Variants in SEC16B observed in about 807,000 individuals in gnomAD.
SEC16B encodes the protein SEC16 homolog B, endoplasmic reticulum export factor, also known as protein transport protein Sec16B.
In SEC16B, 115 loss-of-function variants were observed where a neutral mutation model predicts 141.8. That is an observed-to-expected ratio of 0.81 (90% CI 0.70 to 0.95). SEC16B has a LOEUF of 0.95. SEC16B is among the 40% of genes least tolerant of loss of function. The pLI, the probability that SEC16B is intolerant of heterozygous loss-of-function variation, is 0.00. For synonymous variants in SEC16B, 493 were observed against 492.5 expected (o/e 1.00, Z -0.01); for missense variants, 1,291 against 1,312.3 (o/e 0.98, Z 0.25).
At chr1:177,961,821 GGTGAAA>G in intron 5 of SEC16B, 87 bp from the exon 6 acceptor site, 1 of 1,191,562 alleles carries the variant, frequency 8.4e-7, no homozygotes, top group East Asian at 2.4e-5. Flanking sequence ...AAATACATAC[GGTGAAA>G]GTGGATGTGT....
intron 16 of SEC16B, among the ~76,000 whole-genome samples, chr1:177,941,408 A>G (rs1244754712): frequency 6.6e-6 from 1 of 152,220 alleles, no homozygotes; most frequent in Non-Finnish European, 1.5e-5. Context: ...ATTAATTGAA[A>G]CAACTATTTG....
chr1:177,966,359 A>G (rs1414734273), intron 2 of SEC16B, among the ~76,000 whole-genome samples: 1 of 152,286 alleles, frequency 6.6e-6, no homozygotes, highest in East Asian at 1.9e-4. Context: ...TGAGAAAACC[A>G]CTTCCTGAGA....
chr1:177,952,492 A>C (rs1227819178), intron 11 of SEC16B, among the ~76,000 whole-genome samples: 1 of 152,128 alleles, frequency 6.6e-6, no homozygotes, highest in African/African-American at 2.4e-5. Flanking sequence ...CACAAGCGCT[A>C]AATAGCCATT....
chr1:177,971,785 G>A (rs902553317), upstream of SEC16B, among the ~76,000 whole-genome samples: 1 of 152,188 alleles, frequency 6.6e-6, no homozygotes, highest in African/African-American at 2.4e-5. Context: ...TTACACTGGT[G>A]TGCTCTAGCT....
upstream of SEC16B, among the ~76,000 whole-genome samples, chr1:177,972,140 T>G (rs188290757): frequency 6.6e-6 from 1 of 152,312 alleles, no homozygotes; most frequent in Admixed American, 6.5e-5. Flanking sequence ...CCAAAGTATC[T>G]CTAATTATCT....
Position 177,933,523 on chromosome 1 carries a change from G to A in SEC16B, c.2685C>T (p.Ala895=). ...EADKNSPRNT[A]QRGKLGDGKE... Reference sequence around the variant, plus strand: ...TCCCATCTCCGAGCTTGCCTCTCTGGGCAGTATTTCGGGGAGAGTTTTTAT... The same window carrying A: ...TCCCATCTCCGAGCTTGCCTCTCTGAGCAGTATTTCGGGGAGAGTTTTTAT... The change falls in exon 21 of 26, where the codon GCC becomes GCT. Residue 895 remains alanine (A), a synonymous_variant. Coordinates refer to ENST00000308284, the MANE Select transcript of SEC16B (RefSeq NM_033127.4). The A allele has an allele frequency of 1.9e-6, 3 of 1,613,734 alleles. No homozygotes were observed. Among genetic ancestry groups the A allele is most frequent in the Non-Finnish European group, 2.5e-6 (3 of 1,179,820 alleles).
Position 177,937,513 on chromosome 1 carries a change from T to C in SEC16B, c.2204A>G (p.Glu735Gly). The change falls in exon 19 of 26, where the codon GAA (glutamate) becomes GGA (glycine). Residue 735 changes from glutamate (E) to glycine (G), a missense_variant and splice_region_variant. Coordinates refer to ENST00000308284, the MANE Select transcript of SEC16B (RefSeq NM_033127.4). ...DISGAGGTTT[E>G]NTFYQDFSGC... Reference sequence around the variant, plus strand: ...AGAAAAGTCCTGGTAGAAAGTGTTTTCTAAGGACGTGGAACAAAGGTAAAG... The same window carrying C: ...AGAAAAGTCCTGGTAGAAAGTGTTTCCTAAGGACGTGGAACAAAGGTAAAG... 1 of 1,531,066 alleles carries C rather than the reference T, an allele frequency of 6.5e-7. No individual in the cohort carries two copies. The highest frequency in any genetic ancestry group is 8.8e-7 in the Non-Finnish European group (1 of 1,139,522). 94.8% of individuals were successfully genotyped at this position (1,531,066 alleles called of 1,614,324 possible).
At chr1:177,978,741 A>AG (rs756080665) in intron 1 of SEC16B, among the ~76,000 whole-genome samples, 13 of 143,706 alleles carry the variant, frequency 9.0e-5, no homozygotes, top group South Asian at 6.8e-4. Context: ...ATAAATAAAT[A>AG]AATAGCATAG....
At chr1:177,953,330 TC>T (rs1471263070) in intron 11 of SEC16B, among the ~76,000 whole-genome samples, 1 of 152,172 alleles carries the variant, frequency 6.6e-6, no homozygotes, top group Non-Finnish European at 1.5e-5. Context: ...TAATTCAACC[TC>T]TACTCAACAG....
chr1:177,942,746 C>T (rs981458412), intron 15 of SEC16B, among the ~76,000 whole-genome samples: 5 of 151,864 alleles, frequency 3.3e-5, no homozygotes, highest in Admixed American at 6.6e-5. Flanking sequence ...AACAAGTAAG[C>T]GCTCGTGAAA....
intron 12 of SEC16B, among the ~76,000 whole-genome samples, chr1:177,949,819 G>A (rs934624533): frequency 4.6e-5 from 7 of 152,088 alleles, no homozygotes; most frequent in African/African-American, 1.2e-4. Flanking sequence ...TGGAACTGAA[G>A]TCCAGCCTTT....
At chr1:177,950,959 A>G in intron 12 of SEC16B, among the ~76,000 whole-genome samples, 1 of 117,588 alleles carries the variant, frequency 8.5e-6, no homozygotes, top group Non-Finnish European at 1.8e-5. Flanking sequence ...GAGGGAAGGA[A>G]AGAAGGAAGG....
chr1:177,958,475 A>G, intron 9 of SEC16B, 113 bp from the exon 10 acceptor site: 1 of 774,776 alleles, frequency 1.3e-6, no homozygotes, highest in Non-Finnish European at 2.0e-6. Context: ...GAAGCCAATT[A>G]TGCAAACATA....
rs145078795 is a variant in SEC16B, at chr1:177,979,170, A to T, written c.-59+5036T>A. Among the ~76,000 whole-genome samples the T allele has an allele frequency of 2.9e-3, 437 of 152,340 alleles. 5 individuals are homozygous for T. The highest frequency in any genetic ancestry group is 9.8e-3 in the African/African-American group (407 of 41,570). ...ATATAGTAATATATTTAACACAAAA[A>T]TGCAATTATTTAAAATCTATTTCAT... is the stretch of plus-strand genomic sequence containing the variant. On this transcript the variant is annotated intron_variant and NMD_transcript_variant, in intron 1 of 24. Transcript: ENST00000528461.
intron 13 of SEC16B, among the ~76,000 whole-genome samples, chr1:177,946,894 G>A (rs761803987): frequency 2.0e-5 from 3 of 152,182 alleles, no homozygotes; most frequent in Non-Finnish European, 4.4e-5. Context: ...GAGAGTGGTC[G>A]TTCTTAAACT....
At position 177,929,572 on chromosome 1, in the gene SEC16B, A is replaced by G; in HGVS notation, c.*286T>C. Reference sequence around the variant, plus strand: ...TCCCCAAGGCTCTCAAGCCACCACCATAAGTGCCACCACCATGTCACTCTG... The same window carrying G: ...TCCCCAAGGCTCTCAAGCCACCACCGTAAGTGCCACCACCATGTCACTCTG... On this transcript the variant is annotated 3_prime_UTR_variant, in exon 26 of 26. Coordinates refer to ENST00000308284, the MANE Select transcript of SEC16B (RefSeq NM_033127.4). 2 of 405,622 alleles carry G rather than the reference A, an allele frequency of 4.9e-6. No homozygotes were observed. The highest frequency in any genetic ancestry group is 4.6e-5 in the East Asian group (1 of 21,960). The allele number at this position is 405,622 out of a possible 1,614,324, so 25.1% of individuals were successfully genotyped here.
intron 5 of SEC16B, among the ~76,000 whole-genome samples, chr1:177,963,832 C>T (rs1211671779): frequency 1.3e-5 from 2 of 152,216 alleles, no homozygotes; most frequent in African/African-American, 4.8e-5. Context: ...CTGGATTAAA[C>T]CAAATTGCTA....
chr1:177,935,367 C>T (rs768038289), intron 20 of SEC16B, among the ~76,000 whole-genome samples: 17 of 152,078 alleles, frequency 1.1e-4, no homozygotes, highest in Non-Finnish European at 1.9e-4. Flanking sequence ...AAATCAATTT[C>T]GTCATGCCAA....
At chr1:177,973,835 A>G (rs896411151), upstream of SEC16B, among the ~76,000 whole-genome samples, 1 of 152,156 alleles carries the variant, frequency 6.6e-6, no homozygotes, top group Non-Finnish European at 1.5e-5. Flanking sequence ...TCATCATTCT[A>G]ATGGATATAT....
Sources: allele counts gnomAD v4.1 joint callset (sites outside exome capture counted in the v4.1 genomes callset), GRCh38; gene constraint gnomAD v4.1.1; transcripts MANE v1.5; gene names NCBI Gene and HGNC (gene_info 2026-07-23, HGNC 2026-07-21).